SEL1L3: variants seen among roughly 807,000 people sequenced by gnomAD.
SEL1L3 encodes the protein protein sel-1 homolog 3.
Under a neutral mutation model 142.8 loss-of-function variants are expected in SEL1L3, and 76 were observed. The observed-to-expected ratio is 0.53, with a 90% CI of 0.44 to 0.64. The LOEUF (loss-of-function observed/expected upper bound fraction) is 0.64. SEL1L3 is among the 30% of genes least tolerant of loss of function. The pLI, the probability that SEL1L3 is intolerant of heterozygous loss-of-function variation, is 0.00. For synonymous variants in SEL1L3, 504 were observed against 519.6 expected, an observed-to-expected ratio of 0.97 and a Z score of 0.41; for missense variants, 1,262 against 1,381.7, an observed-to-expected ratio of 0.91 and a Z score of 1.37.
chr4:25,830,433 TG>T (rs1715361592), intron 5 of SEL1L3, among the ~76,000 whole-genome samples: 1 of 152,212 alleles, frequency 6.6e-6, no homozygotes, highest in African/African-American at 2.4e-5. Flanking sequence ...GCTCATTTGA[TG>T]TATTTGTCCT....
Position 25,818,184 on chromosome 4 carries a change from T to A in SEL1L3, c.1518A>T (p.Lys506Asn), listed in dbSNP as rs1432393769. 6.2e-7 allele frequency: 1 copy of A among 1,610,112 alleles called. No homozygotes were observed. The highest frequency in any genetic ancestry group is 1.7e-5 in the Admixed American group (1 of 59,510). The change falls in exon 9 of 24, where the codon AAA becomes AAT. Residue 506 changes from lysine to asparagine, a missense_variant. This residue lies in a region of SEL1L3 where 689 missense variants were observed against 692.8 expected (regional missense o/e 0.99). Coordinates refer to ENST00000399878, the MANE Select transcript of SEL1L3 (RefSeq NM_015187.5). ...AFPWEKELKD[K>N]HPSLFQALLE... ...GCAATGCCTGGAACAAGCTGGGGTG[T>A]TTGTCTTTCAGCTCCTTCTCCCAGG... is the stretch of plus-strand genomic sequence containing the variant.
chr4:25,861,947 T>C (rs1027526050), intron 1 of SEL1L3: 5 of 152,324 alleles, frequency 3.3e-5, no homozygotes, highest in African/African-American at 1.2e-4. Flanking sequence ...TGCCCTTTAG[T>C]TGATGACTAA....
At chr4:25,726,545 A>AC in the SEL1L3 span, among the ~76,000 whole-genome samples, 3 of 81,256 alleles carry the variant, frequency 3.7e-5, no homozygotes, top group Non-Finnish European at 5.3e-5. Context: ...AAAAAAAAAA[A>AC]CCCAAAAAAA....
At chr4:25,726,220 T>C in the SEL1L3 span, among the ~76,000 whole-genome samples, 3 of 111,070 alleles carry the variant, frequency 2.7e-5, no homozygotes, top group Middle Eastern at 9.3e-3. Context: ...TCTGTGCCCA[T>C]CTTGGGTTAA....
chr4:25,753,536 C>T (rs1263723509), intron 23 of SEL1L3, among the ~76,000 whole-genome samples: 1 of 152,252 alleles, frequency 6.6e-6, no homozygotes, highest in East Asian at 1.9e-4. Flanking sequence ...GGACCTTGTG[C>T]ACCAGCTCAC....
chr4:25,757,906 A>C lies in SEL1L3; in HGVS notation c.3084-116T>G. The C allele has an allele frequency of 4.3e-6, 3 of 697,206 alleles. No individual in the cohort carries two copies. In the Admixed American group the frequency reaches 7.2e-5, roughly 17 times the overall value. 43.2% of individuals were successfully genotyped at this position (697,206 alleles called of 1,614,324 possible). On this transcript the variant is annotated intron_variant, in intron 21 of 23. Coordinates refer to ENST00000399878, the MANE Select transcript of SEL1L3 (RefSeq NM_015187.5). The stretch of plus-strand genomic sequence containing the variant: ...CTTCTGCTTTTGGACAAATGAGCAC[A>C]CTCAACTGACAAAGATGAGAGACAA...
At chr4:25,847,252 G>T in intron 2 of SEL1L3, 42 bp downstream of exon 2, 1 of 1,517,758 alleles carries the variant, frequency 6.6e-7, no homozygotes, top group South Asian at 1.2e-5. Flanking sequence ...CAGGCTATCT[G>T]AAAAAATGAG....
intron 13 of SEL1L3, among the ~76,000 whole-genome samples, chr4:25,787,963 G>T (rs1711967378): frequency 6.6e-6 from 1 of 152,218 alleles, no homozygotes; most frequent in Non-Finnish European, 1.5e-5. Context: ...TAAAATACGG[G>T]TGTCTCCTCC....
Position 25,802,605 on chromosome 4 carries a change from G to A in SEL1L3, c.1777-143C>T, listed in dbSNP as rs576616099. On this transcript the variant is annotated intron_variant, in intron 10 of 23. Transcript: ENST00000399878. ...GTTAACTTGCCTTTTTTTTTGAGAC[G>A]GAGCCTTGGCCTGTCGCCCAGGCTG... The A allele has an allele frequency of 1.2e-3, 895 of 717,176 alleles. 1 individual carries two copies. The highest frequency in any genetic ancestry group is 1.8e-3 in the Non-Finnish European group (778 of 438,956). 44.4% of individuals were successfully genotyped at this position (717,176 alleles called of 1,614,324 possible). A position where few individuals can be genotyped will look rare whatever the true frequency, so the allele number is the denominator to read the frequency against.
In SEL1L3 at chr4:25,802,564, G is replaced by A. The variant is rs1713255717; in HGVS notation, c.1777-102C>T. On this transcript the variant is annotated intron_variant, in intron 10 of 23. Coordinates refer to ENST00000399878, the MANE Select transcript of SEL1L3 (RefSeq NM_015187.5). ...GGCCCAATTCCTATATACAATCCTA[G>A]CCATTCCAGAAATATGTTAACTTGC... The A allele has an allele frequency of 3.1e-6, 3 of 964,698 alleles. No individual in the cohort carries two copies. In the East Asian group the frequency reaches 7.6e-5, roughly 25 times the overall value. The allele number at this position is 964,698 out of a possible 1,614,324, so 59.8% of individuals were successfully genotyped here.
chr4:25,794,068 A>T (rs1216200608), intron 11 of SEL1L3, among the ~76,000 whole-genome samples: 1 of 152,260 alleles, frequency 6.6e-6, no homozygotes, highest in African/African-American at 2.4e-5. Context: ...AAACTACAAA[A>T]ACTCTAGAAG....
chr4:25,747,981 G>A lies in SEL1L3; in HGVS notation c.*444C>T, dbSNP rs1393278482. On this transcript the variant is annotated 3_prime_UTR_variant, in exon 24 of 24. Transcript: ENST00000399878. ...TATCAATTCAGCTTTGAGGAACAGG[G>A]CTGTGGCAAGCACAGGTACCAAAAT... is the stretch of plus-strand genomic sequence containing the variant. 6.4e-6 allele frequency: 1 copy of A among 155,338 alleles called. No homozygotes were observed. Among genetic ancestry groups the A allele is most frequent in the Non-Finnish European group, 1.4e-5 (1 of 69,784 alleles). The allele number at this position is 155,338 out of a possible 1,614,324, so 9.6% of individuals were successfully genotyped here.
At chr4:25,717,346 G>A in the SEL1L3 span, among the ~76,000 whole-genome samples, 1,573 of 152,166 alleles carry the variant, frequency 0.01, 15 homozygotes, top group Non-Finnish European at 0.015. Flanking sequence ...GATATTTTTT[G>A]TGGCTATAAT....
chr4:25,842,565 T>C (rs1716238793), intron 2 of SEL1L3, among the ~76,000 whole-genome samples: 1 of 152,180 alleles, frequency 6.6e-6, no homozygotes, highest in South Asian at 2.1e-4. Context: ...CCTGGTGGGT[T>C]TGTCTGGGAA....
chr4:25,844,405 C>A (rs1488391250), intron 2 of SEL1L3, among the ~76,000 whole-genome samples: 1 of 152,190 alleles, frequency 6.6e-6, no homozygotes, highest in African/African-American at 2.4e-5. Context: ...CCACCATTTT[C>A]AGTGACTTTA....
At chr4:25,716,601 TA>T in the SEL1L3 span, among the ~76,000 whole-genome samples, 906 of 152,274 alleles carry the variant, frequency 5.9e-3, 10 homozygotes, top group African/African-American at 0.021. Flanking sequence ...AGAAAATGAA[TA>T]AATAATGTTA....
In SEL1L3 at chr4:25,846,318, G is replaced by T. The variant is rs144290228; in HGVS notation, c.733+976C>A. ...GAGGCTGTGACCATGTGGCATTTAG[G>T]ATAAAATGCAGAGTGTGGACTCTAT... On this transcript the variant is annotated intron_variant, in intron 2 of 23. Transcript: ENST00000399878. Among the ~76,000 whole-genome samples, 752 of 152,328 alleles carry T rather than the reference G, an allele frequency of 4.9e-3. 2 individuals are homozygous for T. Among genetic ancestry groups the T allele is most frequent in the African/African-American group, 0.017 (709 of 41,564 alleles).
At chr4:25,814,087 T>C (rs1714210510) in intron 9 of SEL1L3, among the ~76,000 whole-genome samples, 1 of 152,176 alleles carries the variant, frequency 6.6e-6, no homozygotes. Flanking sequence ...GAAGAAAAGC[T>C]GCTGGCAGGG....
intron 11 of SEL1L3, among the ~76,000 whole-genome samples, chr4:25,800,919 T>C (rs1713140653): frequency 6.6e-6 from 1 of 152,232 alleles, no homozygotes; most frequent in Non-Finnish European, 1.5e-5. Flanking sequence ...CTAGATTTCT[T>C]TTCCAGAAAC....
Sources: allele counts gnomAD v4.1 joint callset (sites outside exome capture counted in the v4.1 genomes callset), GRCh38; gene constraint gnomAD v4.1.1; regional missense constraint gnomAD v4.1.1; transcripts MANE v1.5; gene names NCBI Gene and HGNC (gene_info 2026-07-23, HGNC 2026-07-21).